EEPD1: variants seen among roughly 807,000 people sequenced by gnomAD.
EEPD1 encodes the protein endonuclease/exonuclease/phosphatase family domain-containing protein 1.
EEPD1 carries 17 observed loss-of-function variants against 46.3 expected under a neutral mutation model. The ratio of observed to expected loss-of-function variants is 0.37; its 90% confidence interval spans 0.25 to 0.55. EEPD1 has a LOEUF of 0.55. Among genes scored for constraint, EEPD1 ranks in the 20% least tolerant of loss-of-function variants. The probability of loss-of-function intolerance (pLI) is 0.83; values close to 1 mark genes in which losing one functional copy is unlikely to be tolerated. For synonymous variants in EEPD1, 313 were observed against 315.6 expected, an observed-to-expected ratio of 0.99 and a Z score of 0.09; for missense variants, 673 against 745.6, an observed-to-expected ratio of 0.90 and a Z score of 1.13.
chr7:36,174,169 C>A (rs562425191), intron 2 of EEPD1, among the ~76,000 whole-genome samples: 1 of 152,284 alleles, frequency 6.6e-6, no homozygotes, highest in East Asian at 1.9e-4. Context: ...CTTACCCGAC[C>A]AGTTCTGGGG....
At chr7:36,255,589 C>T (rs1316977988) in intron 3 of EEPD1, among the ~76,000 whole-genome samples, 2 of 152,176 alleles carry the variant, frequency 1.3e-5, no homozygotes, top group Non-Finnish European at 2.9e-5. Flanking sequence ...TTATCCATTT[C>T]TTCTACATTT....
At chr7:36,190,363 C>A (rs1291495380) in intron 2 of EEPD1, among the ~76,000 whole-genome samples, 3 of 152,126 alleles carry the variant, frequency 2.0e-5, no homozygotes, top group Admixed American at 1.3e-4. Flanking sequence ...CAGAGCGAGA[C>A]CCTGTCTCAA....
chr7:36,231,891 A>C (rs1786337607), intron 2 of EEPD1, among the ~76,000 whole-genome samples: 1 of 152,198 alleles, frequency 6.6e-6, no homozygotes. Context: ...TGATATCATA[A>C]ATACTGAAAT....
Position 36,221,346 on chromosome 7 carries a change from G to GT in EEPD1, c.879-17638dup, listed in dbSNP as rs1786143370. 2.0e-5 allele frequency among the ~76,000 whole-genome samples: 3 copies of GT among 152,214 alleles called. No homozygotes were observed. In the South Asian group the frequency reaches 6.2e-4, roughly 32 times the overall value. On this transcript the variant is annotated intron_variant, in intron 2 of 7. Transcript: ENST00000242108. ...GGTATGTGTTTTGCTTATTATCTGT[G>GT]TATCTTTTTACTTTTAGCTTTAGAA...
Position 36,287,662 on chromosome 7 carries a change from T to C in EEPD1, c.1200T>C (p.Leu400=), listed in dbSNP as rs1787361073. ...AGGTGGGAAGTCACGACCTGACCCT[T>C]GTTAACCTTCACCTGGCAGCCCTGA... ...RFKVGSHDLT[L]VNLHLAALTL... is the part of the protein sequence containing the mutation. The change falls in exon 6 of 8, where the codon CTT becomes CTC. Residue 400 remains leucine, a synonymous_variant. Transcript: ENST00000242108. The C allele has an allele frequency of 6.2e-7, 1 of 1,614,064 alleles. No homozygotes were observed. Among genetic ancestry groups the C allele is most frequent in the Non-Finnish European group, 8.5e-7 (1 of 1,179,974 alleles).
At chr7:36,263,596 C>T (rs1786966443) in intron 3 of EEPD1, among the ~76,000 whole-genome samples, 1 of 152,156 alleles carries the variant, frequency 6.6e-6, no homozygotes, top group Non-Finnish European at 1.5e-5. Context: ...AAAACAAGAT[C>T]CCTAGCATGT....
At chr7:36,259,977 T>A (rs1313380091) in intron 3 of EEPD1, among the ~76,000 whole-genome samples, 1 of 152,212 alleles carries the variant, frequency 6.6e-6, no homozygotes, top group East Asian at 1.9e-4. Flanking sequence ...CTCCAATACA[T>A]CTCTAATCCC....
chr7:36,238,475 A>G (rs1786496072), intron 2 of EEPD1, among the ~76,000 whole-genome samples: 3 of 152,200 alleles, frequency 2.0e-5, no homozygotes, highest in African/African-American at 2.4e-5. Context: ...AAGATATCTC[A>G]TATAAGTGGG....
At chr7:36,184,689 C>T (rs2115663780) in intron 2 of EEPD1, among the ~76,000 whole-genome samples, 1 of 152,214 alleles carries the variant, frequency 6.6e-6, no homozygotes, top group South Asian at 2.1e-4. Context: ...GTTAATCTAA[C>T]ACTGTCATAA....
At chr7:36,241,834 C>G (rs1030527977) in intron 3 of EEPD1, among the ~76,000 whole-genome samples, 5 of 152,238 alleles carry the variant, frequency 3.3e-5, no homozygotes, top group Non-Finnish European at 7.3e-5. Context: ...CGCCATTGCA[C>G]TCCAGTCTGG....
chr7:36,196,824 C>A (rs5755155), intron 2 of EEPD1, among the ~76,000 whole-genome samples: 63,117 of 151,722 alleles, frequency 0.42, 13,906 homozygotes, highest in South Asian at 0.49. Context: ...AGCCTCTGCC[C>A]GGCCGCCACC....
At chr7:36,260,622 A>T (rs1175208936) in intron 3 of EEPD1, among the ~76,000 whole-genome samples, 2 of 152,368 alleles carry the variant, frequency 1.3e-5, no homozygotes, top group East Asian at 3.9e-4. Flanking sequence ...TCCAACAAAA[A>T]CATTTCAGAT....
intron 2 of EEPD1, 86 bp from the exon 3 acceptor site, chr7:36,238,899 C>T: frequency 2.2e-6 from 3 of 1,340,858 alleles, no homozygotes; most frequent in South Asian, 1.4e-5. Flanking sequence ...GAAATTTCAG[C>T]CTTTTGTTCT....
At chr7:36,218,525 C>T (rs1010971290) in intron 2 of EEPD1, among the ~76,000 whole-genome samples, 2 of 152,226 alleles carry the variant, frequency 1.3e-5, no homozygotes, top group Admixed American at 6.5e-5. Flanking sequence ...AATAGGAAGG[C>T]TGCTAAGTGT....
At chr7:36,223,331 C>T (rs2115750419) in intron 2 of EEPD1, among the ~76,000 whole-genome samples, 2 of 152,212 alleles carry the variant, frequency 1.3e-5, no homozygotes, top group African/African-American at 4.8e-5. Context: ...CAGCTCCACA[C>T]TGAGTCACAC....
chr7:36,292,374 GTTTTGTTTTC>G (rs1418915397), intron 6 of EEPD1, among the ~76,000 whole-genome samples: 1 of 123,644 alleles, frequency 8.1e-6, no homozygotes, highest in East Asian at 3.1e-4. Context: ...CTTTTCTTTT[GTTTTGTTTTC>G]TTTTCTTTTC....
chr7:36,172,704 T>A (rs933095569), intron 2 of EEPD1, among the ~76,000 whole-genome samples: 1 of 151,496 alleles, frequency 6.6e-6, no homozygotes, highest in Non-Finnish European at 1.5e-5. Context: ...TCTTCTTCCA[T>A]TGTGGCCCAG....
intron 2 of EEPD1, among the ~76,000 whole-genome samples, chr7:36,156,334 A>T (rs1373115537): frequency 6.6e-6 from 1 of 151,826 alleles, no homozygotes; most frequent in African/African-American, 2.4e-5. Context: ...TGAGAGAGGG[A>T]CTCCACACTG....
intron 2 of EEPD1, among the ~76,000 whole-genome samples, chr7:36,189,275 A>G (rs1297240215): frequency 6.6e-6 from 1 of 152,218 alleles, no homozygotes; most frequent in Non-Finnish European, 1.5e-5. Context: ...AAGTTTCGAG[A>G]GGAGTGTTGA....
Sources: gnomAD v4.1 joint callset for allele counts (sites outside exome capture counted in the v4.1 genomes callset) on GRCh38, gnomAD v4.1.1 for gene constraint, MANE v1.5 for transcripts, NCBI Gene and HGNC (gene_info 2026-07-23, HGNC 2026-07-21) for gene names.